Variants in HDGFL3 observed in about 807,000 individuals in gnomAD.
HDGFL3 encodes hepatoma-derived growth factor-related protein 3.
A neutral mutation model predicts 27.6 loss-of-function variants in HDGFL3; 6 were observed. That is an observed-to-expected ratio of 0.22 (90% CI 0.12 to 0.43). The LOEUF (loss-of-function observed/expected upper bound fraction) is 0.43, where lower values mean the gene tolerates loss of function less well. Among genes scored for constraint, HDGFL3 ranks in the 20% least tolerant of loss-of-function variants. The pLI is 1.00. For missense variants in HDGFL3, 207 were observed against 250.1 expected, an observed-to-expected ratio of 0.83 and a Z score of 1.16; for synonymous variants, 88 against 88.9, an observed-to-expected ratio of 0.99 and a Z score of 0.05.
intron 1 of HDGFL3, among the ~76,000 whole-genome samples, chr15:83,188,814 T>C (rs1016050558): frequency 1.3e-5 from 2 of 151,918 alleles, no homozygotes; most frequent in South Asian, 4.1e-4. Flanking sequence ...AGTCTCATAT[T>C]TCTATCTTCA....
At chr15:83,194,843 C>A (rs1470603814) in intron 1 of HDGFL3, among the ~76,000 whole-genome samples, 1 of 152,128 alleles carries the variant, frequency 6.6e-6, no homozygotes, top group African/African-American at 2.4e-5. Context: ...CTTTCTCATC[C>A]CTTCGAAAAC....
chr15:83,158,732 T>C (rs1178160656), intron 2 of HDGFL3, among the ~76,000 whole-genome samples: 1 of 152,228 alleles, frequency 6.6e-6, no homozygotes, highest in Non-Finnish European at 1.5e-5. Context: ...TCATAGTATA[T>C]ATAGGTTTCA....
chr15:83,124,922 G>A, downstream of HDGFL3: 1 of 690,024 alleles, frequency 1.4e-6, no homozygotes, highest in Non-Finnish European at 2.4e-6. Context: ...CTGGAGCCCT[G>A]GACCTGCTTC....
At chr15:83,149,162 A>C (rs1448619965) in intron 5 of HDGFL3, among the ~76,000 whole-genome samples, 1 of 152,202 alleles carries the variant, frequency 6.6e-6, no homozygotes, top group African/African-American at 2.4e-5. Flanking sequence ...TCCCCAACTA[A>C]AAAGCAAAAG....
At chr15:83,118,486 G>A (rs1417195844) in intron 3 of HDGFL3, among the ~76,000 whole-genome samples, 1 of 152,220 alleles carries the variant, frequency 6.6e-6, no homozygotes, top group East Asian at 1.9e-4. Flanking sequence ...TTCAGTCAGA[G>A]CAAGTCCAAG....
At chr15:83,114,881 T>G (rs2034514971) in exon 4 of HDGFL3, 1 of 152,266 alleles carries the variant, frequency 6.6e-6, no homozygotes, top group Non-Finnish European at 1.5e-5. Context: ...ATTTAGGAGA[T>G]GCTCACAACT....
chr15:83,207,259 A>C lies in HDGFL3; in HGVS notation c.84+72T>G. 9.5e-6 allele frequency: 10 copies of C among 1,057,132 alleles called. No individual in the cohort carries two copies. The highest frequency in any genetic ancestry group is 4.3e-5 in the Admixed American group (1 of 23,510). 65.5% of individuals were successfully genotyped at this position (1,057,132 alleles called of 1,614,324 possible). On this transcript the variant is annotated intron_variant, in intron 1 of 5. Coordinates refer to ENST00000299633, the MANE Select transcript of HDGFL3 (RefSeq NM_016073.4). The surrounding 1 kb of genome is among the most constrained non-coding windows in gnomAD (Gnocchi z 4.8). ...GGGCTCGGGGCTGAGGCGATGGGGA[A>C]AGGGGGCGGGCGCGCCATCATGAAG...
At chr15:83,126,967 T>C, downstream of HDGFL3, 2 of 728,704 alleles carry the variant, frequency 2.7e-6, no homozygotes, top group South Asian at 1.8e-5. Flanking sequence ...CCGAGGCAGG[T>C]TGATCACGAG....
At chr15:83,193,651 G>A (rs1213730567) in intron 1 of HDGFL3, among the ~76,000 whole-genome samples, 1 of 152,210 alleles carries the variant, frequency 6.6e-6, no homozygotes, top group Non-Finnish European at 1.5e-5. Flanking sequence ...ACACCTACCA[G>A]TGCCATGTCA....
chr15:83,169,709 G>A lies in HDGFL3; in HGVS notation c.85-5634C>T, dbSNP rs191652463. On this transcript the variant is annotated intron_variant, in intron 1 of 5. Transcript: ENST00000299633. ...CCAGCTACTTGGGAGGCTGAGACAC[G>A]AGAATCACTTGAACCCAGGAGGCAA... Among the ~76,000 whole-genome samples the A allele has an allele frequency of 9.7e-4, 148 of 152,006 alleles. 2 individuals are homozygous for A. The highest frequency in any genetic ancestry group is 3.4e-3 in the African/African-American group (141 of 41,478).
chr15:83,164,126 G>GC, intron 1 of HDGFL3, 51 bp from the exon 2 acceptor site: 22 of 1,096,416 alleles, frequency 2.0e-5, no homozygotes, highest in Non-Finnish European at 2.9e-5. Flanking sequence ...TAAATACAAT[G>GC]TGAGCATTGT....
rs1226483278 is a variant in HDGFL3, at chr15:83,131,892, G to A, written c.*7378C>T. 1.3e-5 allele frequency: 2 copies of A among 152,170 alleles called. No individual in the cohort carries two copies. The highest frequency in any genetic ancestry group is 2.9e-5 in the Non-Finnish European group (2 of 68,036). 9.4% of individuals were successfully genotyped at this position (152,170 alleles called of 1,614,324 possible). A position where few individuals can be genotyped will look rare whatever the true frequency, so the allele number is the denominator to read the frequency against. The stretch of plus-strand genomic sequence containing the variant: ...TCTGAAAGGCATTATAGGCTGCTTA[G>A]ATCCACTTATTAGCATTTCCTATCA... On this transcript the variant is annotated 3_prime_UTR_variant, in exon 6 of 6. Transcript: ENST00000299633.
chr15:83,150,638 G>A (rs1369062813), intron 5 of HDGFL3, among the ~76,000 whole-genome samples: 1 of 152,124 alleles, frequency 6.6e-6, no homozygotes, highest in Non-Finnish European at 1.5e-5. Flanking sequence ...ATGCATGGGG[G>A]CAAAATTTGC....
intron 1 of HDGFL3, among the ~76,000 whole-genome samples, chr15:83,170,109 C>T (rs1326283246): frequency 6.6e-6 from 1 of 152,144 alleles, no homozygotes; most frequent in Non-Finnish European, 1.5e-5. Context: ...TGTTCCTGCA[C>T]TGGAATAATC....
intron 1 of HDGFL3, among the ~76,000 whole-genome samples, chr15:83,196,054 A>T (rs1391568616): frequency 2.6e-5 from 4 of 152,010 alleles, no homozygotes; most frequent in African/African-American, 4.8e-5. Flanking sequence ...TTTATTAAAT[A>T]AACGGTCAAA....
chr15:83,144,471 T>C, intron 5 of HDGFL3: 3 of 456,152 alleles, frequency 6.6e-6, no homozygotes, highest in South Asian at 3.1e-5. Context: ...GACTGACTTC[T>C]GTTTGCCAGC....
chr15:83,120,015 C>T (rs1029211946), intron 3 of HDGFL3: 1 of 243,614 alleles, frequency 4.1e-6, no homozygotes, highest in Non-Finnish European at 8.1e-6. Context: ...AAACAGCAAT[C>T]TCATTTCGGT....
chr15:83,116,432 T>C (rs1360569911), intron 3 of HDGFL3, among the ~76,000 whole-genome samples: 1 of 152,184 alleles, frequency 6.6e-6, no homozygotes, highest in Non-Finnish European at 1.5e-5. Flanking sequence ...TATTTTCTTA[T>C]TTTATGGTGG....
At chr15:83,195,980 A>C (rs548748558) in intron 1 of HDGFL3, among the ~76,000 whole-genome samples, 1 of 152,126 alleles carries the variant, frequency 6.6e-6, no homozygotes, top group South Asian at 2.1e-4. Context: ...GCAGATCACT[A>C]TATTTTGACT....
Sources: allele counts gnomAD v4.1 joint callset (sites outside exome capture counted in the v4.1 genomes callset), GRCh38; gene constraint gnomAD v4.1.1; non-coding constraint Gnocchi (gnomAD v3.1); transcripts MANE v1.5; gene names NCBI Gene and HGNC (gene_info 2026-07-23, HGNC 2026-07-21).